AGAP1: variants seen among roughly 807,000 people sequenced by gnomAD.
AGAP1 encodes the protein arf-GAP with GTPase, ANK repeat and PH domain-containing protein 1.
In AGAP1, 29 loss-of-function variants were observed where a neutral mutation model predicts 105.3. The ratio of observed to expected loss-of-function variants is 0.28; its 90% confidence interval spans 0.21 to 0.38. The LOEUF is 0.38. Among genes scored for constraint, AGAP1 ranks in the 10% least tolerant of loss-of-function variants. The pLI, the probability that AGAP1 is intolerant of heterozygous loss-of-function variation, is 1.00. For synonymous variants in AGAP1, 509 were observed against 485.9 expected, an observed-to-expected ratio of 1.05 and a Z score of -0.63; for missense variants, 998 against 1,165.1, an observed-to-expected ratio of 0.86 and a Z score of 2.09.
At chr2:235,594,883 G>GGT (rs769547457) in intron 1 of AGAP1, among the ~76,000 whole-genome samples, 1 of 109,912 alleles carries the variant, frequency 9.1e-6, no homozygotes, top group Non-Finnish European at 1.8e-5. Context: ...CCAGATTGCT[G>GGT]TTTTTTTTTT....
At chr2:235,579,216 C>T (rs1944843157) in intron 1 of AGAP1, among the ~76,000 whole-genome samples, 1 of 152,284 alleles carries the variant, frequency 6.6e-6, no homozygotes, top group Admixed American at 6.5e-5. Context: ...AAAGGCAGTT[C>T]TATTTATGCC....
At chr2:235,939,196 C>A (rs191469674) in intron 12 of AGAP1, among the ~76,000 whole-genome samples, 1 of 152,282 alleles carries the variant, frequency 6.6e-6, no homozygotes, top group East Asian at 1.9e-4. Context: ...TTCCAGCCTT[C>A]TCCTCTGGCA....
intron 16 of AGAP1, among the ~76,000 whole-genome samples, chr2:236,112,814 C>T (rs1399312114): frequency 3.3e-5 from 5 of 152,218 alleles, no homozygotes; most frequent in Admixed American, 6.5e-5. Context: ...TTTGGCCCTG[C>T]TAGGTTGCTG....
At chr2:235,923,471 AG>A (rs1306429988) in intron 11 of AGAP1, among the ~76,000 whole-genome samples, 1 of 152,174 alleles carries the variant, frequency 6.6e-6, no homozygotes, top group Non-Finnish European at 1.5e-5. Flanking sequence ...CAGAAGCAGC[AG>A]GTAGCCAGCC....
chr2:235,968,864 G>A (rs113095224), intron 13 of AGAP1, among the ~76,000 whole-genome samples: 1 of 152,128 alleles, frequency 6.6e-6, no homozygotes, highest in Non-Finnish European at 1.5e-5. Context: ...CGCTGGTAGC[G>A]GGTAGGAGTG....
Position 235,719,609 on chromosome 2 carries a change from G to A in AGAP1, c.310+1965G>A, listed in dbSNP as rs1286393661. Among the ~76,000 whole-genome samples the A allele has an allele frequency of 6.6e-6, 1 of 152,198 alleles. No homozygotes were observed. Among genetic ancestry groups the A allele is most frequent in the East Asian group, 1.9e-4 (1 of 5,198 alleles). Reference sequence around the variant, plus strand: ...TAAAAATACATTATTTTTAAGAGTAGGAGCGTGGGTGAGTACCTTCCTTTC... The same window carrying A: ...TAAAAATACATTATTTTTAAGAGTAAGAGCGTGGGTGAGTACCTTCCTTTC... On this transcript the variant is annotated intron_variant, in intron 3 of 17. Coordinates refer to ENST00000304032, the MANE Select transcript of AGAP1 (RefSeq NM_001037131.3). The surrounding 1 kb of genome is among the most constrained non-coding windows in gnomAD (Gnocchi z 4.9).
intron 16 of AGAP1, among the ~76,000 whole-genome samples, chr2:236,094,454 C>T (rs2059144231): frequency 6.6e-6 from 1 of 151,376 alleles, no homozygotes; most frequent in South Asian, 2.1e-4. Context: ...CGGGATCAAG[C>T]GATCCTCCCA....
chr2:236,033,422 G>A (rs924790363), intron 13 of AGAP1, among the ~76,000 whole-genome samples: 2 of 152,198 alleles, frequency 1.3e-5, no homozygotes, highest in Non-Finnish European at 2.9e-5. Context: ...ATCGGGCAGA[G>A]CCAAACTGCG....
intron 9 of AGAP1, among the ~76,000 whole-genome samples, chr2:235,881,500 A>G (rs1269839269): frequency 1.3e-5 from 2 of 152,234 alleles, no homozygotes; most frequent in Non-Finnish European, 2.9e-5. Flanking sequence ...AAGAGGAAGT[A>G]AAGAGATTGT....
intron 5 of AGAP1, among the ~76,000 whole-genome samples, chr2:235,749,296 C>G (rs141568831): frequency 6.6e-6 from 1 of 151,778 alleles, no homozygotes; most frequent in Non-Finnish European, 1.5e-5. Flanking sequence ...CTCCTCATTT[C>G]TCTGTTCCAC....
chr2:235,782,377 A>G (rs1191124359), intron 6 of AGAP1, among the ~76,000 whole-genome samples: 1 of 152,100 alleles, frequency 6.6e-6, no homozygotes, highest in Non-Finnish European at 1.5e-5. Context: ...AGTTTTCTAT[A>G]CTTTGACAAT....
rs1449410572 is a variant in AGAP1 at position 236,096,703 on chromosome 2, T to G, written c.2115-23489T>G. Among the ~76,000 whole-genome samples the G allele has an allele frequency of 6.6e-6, 1 of 151,822 alleles. No homozygotes were observed. The highest frequency in any genetic ancestry group is 2.0e-4 in the East Asian group (1 of 5,094). ...AAGTGATTCTTCTGCCTCGGCCTCC[T>G]GAGTAGCTGGGATTACAGGTGCCCA... On this transcript the variant is annotated intron_variant, in intron 16 of 17. Transcript: ENST00000304032. This position sits in a 1 kb window ranked among gnomAD's most constrained non-coding sequence, Gnocchi z 4.4.
At position 236,130,554 on chromosome 2, in the gene AGAP1, C is replaced by T. The variant is rs541526889; in HGVS notation, c.*6432C>T. 53 of 152,278 alleles carry T rather than the reference C, an allele frequency of 3.5e-4. No individual in the cohort carries two copies. The highest frequency in any genetic ancestry group is 1.3e-3 in the African/African-American group (53 of 41,536). 9.4% of individuals were successfully genotyped at this position (152,278 alleles called of 1,614,324 possible). A position where few individuals can be genotyped will look rare whatever the true frequency, so the allele number is the denominator to read the frequency against. ...AGTCTACACTGGCCCAGGAAGCTAACGTCTGAGCCGCTTGGAGAGCTTTGG... is the reference window on the plus strand; with the variant it reads ...AGTCTACACTGGCCCAGGAAGCTAATGTCTGAGCCGCTTGGAGAGCTTTGG... On this transcript the variant is annotated 3_prime_UTR_variant, in exon 18 of 18. Transcript: ENST00000304032. The surrounding 1 kb of genome is among the most constrained non-coding windows in gnomAD (Gnocchi z 5.8).
intron 1 of AGAP1, among the ~76,000 whole-genome samples, chr2:235,565,388 A>G (rs1944316189): frequency 6.6e-6 from 1 of 152,224 alleles, no homozygotes; most frequent in African/African-American, 2.4e-5. Context: ...TATCTGTTTT[A>G]TAGGAATGAA....
chr2:236,124,451 A>T lies in AGAP1; in HGVS notation c.*329A>T. The T allele has an allele frequency of 2.9e-6, 1 of 341,602 alleles. No homozygotes were observed. Among genetic ancestry groups the T allele is most frequent in the Non-Finnish European group, 5.4e-6 (1 of 183,504 alleles). 21.2% of individuals were successfully genotyped at this position (341,602 alleles called of 1,614,324 possible). On this transcript the variant is annotated 3_prime_UTR_variant, in exon 18 of 18. Coordinates refer to ENST00000304032, the MANE Select transcript of AGAP1 (RefSeq NM_001037131.3). The surrounding 1 kb of genome is among the most constrained non-coding windows in gnomAD (Gnocchi z 5.1). ...TGGTGGCACAAGGGATGGGGACGCGAGGGGGAGGGGAGGCGAGGAACAAGG... is the reference window on the plus strand; with the variant it reads ...TGGTGGCACAAGGGATGGGGACGCGTGGGGGAGGGGAGGCGAGGAACAAGG...
In AGAP1 at chr2:235,612,348, G is replaced by T. The variant is rs1946155618; in HGVS notation, c.164-96831G>T. Among the ~76,000 whole-genome samples the T allele has an allele frequency of 6.6e-6, 1 of 152,238 alleles. No individual in the cohort carries two copies. Among genetic ancestry groups the T allele is most frequent in the East Asian group, 1.9e-4 (1 of 5,160 alleles). On this transcript the variant is annotated intron_variant, in intron 1 of 17. Transcript: ENST00000304032. The surrounding 1 kb of genome is among the most constrained non-coding windows in gnomAD (Gnocchi z 4.3). Reference sequence around the variant, plus strand: ...TAAAGTGGGGCTCAGATGCCCCTTGGTTGCATTTAATGTGTGTGCATAATC... The same window carrying T: ...TAAAGTGGGGCTCAGATGCCCCTTGTTTGCATTTAATGTGTGTGCATAATC...
intron 10 of AGAP1, among the ~76,000 whole-genome samples, chr2:235,884,427 C>G (rs911611633): frequency 6.8e-6 from 1 of 147,518 alleles, no homozygotes; most frequent in Non-Finnish European, 1.5e-5. Flanking sequence ...TAATTTTTCA[C>G]TGTTGTATTA....
In AGAP1 at chr2:235,976,435, T is replaced by A. The variant is rs2054861755; in HGVS notation, c.1645+7812T>A. Among the ~76,000 whole-genome samples, 1 of 152,086 alleles carries A rather than the reference T, an allele frequency of 6.6e-6. No homozygotes were observed. Among genetic ancestry groups the A allele is most frequent in the African/African-American group, 2.4e-5 (1 of 41,398 alleles). ...TTTGTGGAAGCCAGCAGGTCGGAAA[T>A]AAACAAAGATGAGTCGATCACAGCA... On this transcript the variant is annotated intron_variant, in intron 13 of 17. Transcript: ENST00000304032. The surrounding 1 kb of genome is among the most constrained non-coding windows in gnomAD (Gnocchi z 4.5).
rs901937146 is a variant in AGAP1, at chr2:235,535,640, C to A, written c.163+40791C>A. Among the ~76,000 whole-genome samples, 1 of 152,052 alleles carries A rather than the reference C, an allele frequency of 6.6e-6. No homozygotes were observed. Among genetic ancestry groups the A allele is most frequent in the South Asian group, 2.1e-4 (1 of 4,798 alleles). On this transcript the variant is annotated intron_variant, in intron 1 of 17. Transcript: ENST00000304032. The surrounding 1 kb of genome is among the most constrained non-coding windows in gnomAD (Gnocchi z 5.1). ...CGGGCGGGGCTGTGCCAGGCACCCG[C>A]GTCGCGCTCCAGCTCCAGCCCTTTA...
Sources: allele counts gnomAD v4.1 joint callset (sites outside exome capture counted in the v4.1 genomes callset), GRCh38; gene constraint gnomAD v4.1.1; non-coding constraint Gnocchi (gnomAD v3.1); transcripts MANE v1.5; gene names NCBI Gene and HGNC (gene_info 2026-07-23, HGNC 2026-07-21).